Variants in TENM2 observed in about 807,000 individuals in gnomAD.
TENM2 encodes the protein teneurin-2.
Under a neutral mutation model 245.2 loss-of-function variants are expected in TENM2, and 52 were observed. That is an observed-to-expected ratio of 0.21 (90% CI 0.17 to 0.27). The LOEUF (loss-of-function observed/expected upper bound fraction) is 0.27. Ranked by LOEUF, TENM2 falls within the 10% of genes least tolerant of loss-of-function variation. The pLI, the probability that TENM2 is intolerant of heterozygous loss-of-function variation, is 1.00. For synonymous variants in TENM2, 1,363 were observed against 1,438.9 expected (o/e 0.95, Z 1.19); for missense variants, 3,046 against 3,666.8 (o/e 0.83, Z 4.37).
intron 7 of TENM2, among the ~76,000 whole-genome samples, chr5:168,068,914 CAA>C (rs775787317): frequency 5.3e-5 from 8 of 151,796 alleles, no homozygotes; most frequent in Non-Finnish European, 8.8e-5. Flanking sequence ...TTCAGTAAAA[CAA>C]AGAGAGGATA....
chr5:167,763,218 A>C (rs1312217700), intron 2 of TENM2, among the ~76,000 whole-genome samples: 1 of 152,234 alleles, frequency 6.6e-6, no homozygotes, highest in East Asian at 1.9e-4. Flanking sequence ...TCTTTTAAGA[A>C]GTAATATTTG....
At chr5:167,050,634 T>C in the TENM2 span, among the ~76,000 whole-genome samples, 1 of 152,098 alleles carries the variant, frequency 6.6e-6, no homozygotes, top group Non-Finnish European at 1.5e-5. Flanking sequence ...AGACAAATTA[T>C]TGAGGTCATT....
intron 5 of TENM2, among the ~76,000 whole-genome samples, chr5:168,043,150 A>C (rs952089298): frequency 4.6e-5 from 7 of 152,164 alleles, no homozygotes; most frequent in African/African-American, 1.4e-4. Flanking sequence ...ACCCCAGTGC[A>C]TCCAGGATCT....
intron 3 of TENM2, among the ~76,000 whole-genome samples, chr5:167,951,521 G>C (rs1041446512): frequency 2.6e-5 from 4 of 152,136 alleles, no homozygotes; most frequent in Non-Finnish European, 4.4e-5. Context: ...GGAAAACCTT[G>C]TGTGGAGTTG....
intron 2 of TENM2, among the ~76,000 whole-genome samples, chr5:167,411,734 C>A (rs1762923277): frequency 6.6e-6 from 1 of 151,964 alleles, no homozygotes; most frequent in Non-Finnish European, 1.5e-5. Flanking sequence ...ATTAATAACT[C>A]TCTCTGTTGG....
At chr5:167,227,830 T>C in the TENM2 span, among the ~76,000 whole-genome samples, 1 of 152,206 alleles carries the variant, frequency 6.6e-6, no homozygotes, top group Admixed American at 6.5e-5. Context: ...CTTCTACTAT[T>C]TCATTAAATA....
chr5:167,675,963 A>G lies in TENM2; in HGVS notation c.503-200023A>G, dbSNP rs545734273. Among the ~76,000 whole-genome samples the G allele has an allele frequency of 3.3e-5, 5 of 152,138 alleles. No homozygotes were observed. In the East Asian group the frequency reaches 9.7e-4, roughly 29 times the overall value. On this transcript the variant is annotated intron_variant, in intron 2 of 28. Transcript: ENST00000518659. ...TACATGAATGTCAAAGATCAGTCTG[A>G]CTTTCAAAACCTTAGGAAAATTTAC...
At chr5:167,378,270 GA>G in intron 2 of TENM2, among the ~76,000 whole-genome samples, 1 of 151,990 alleles carries the variant, frequency 6.6e-6, no homozygotes, top group Non-Finnish European at 1.5e-5. Flanking sequence ...GTTCTCCCTA[GA>G]TCAATGTTGA....
chr5:167,491,679 TGTC>T (rs1768435750), intron 2 of TENM2, among the ~76,000 whole-genome samples: 1 of 152,156 alleles, frequency 6.6e-6, no homozygotes, highest in Non-Finnish European at 1.5e-5. Flanking sequence ...CCTACACTGT[TGTC>T]AAGGATACCC....
intron 1 of TENM2, among the ~76,000 whole-genome samples, chr5:167,358,365 C>T (rs532339154): frequency 1.3e-5 from 2 of 152,130 alleles, no homozygotes; most frequent in African/African-American, 4.8e-5. Context: ...GCAACATTTG[C>T]AACAGTTAAT....
intron 2 of TENM2, among the ~76,000 whole-genome samples, chr5:167,607,612 A>G (rs988702228): frequency 4.6e-5 from 7 of 152,216 alleles, no homozygotes; most frequent in South Asian, 4.1e-4. Flanking sequence ...CCACAAACAA[A>G]ATACATTGCC....
At chr5:167,012,261 T>C in the TENM2 span, among the ~76,000 whole-genome samples, 2 of 152,186 alleles carry the variant, frequency 1.3e-5, no homozygotes, top group African/African-American at 4.8e-5. Flanking sequence ...TTCTCCACCT[T>C]CCCCTGTCGT....
chr5:168,124,101 G>A (rs1795673590), intron 10 of TENM2, among the ~76,000 whole-genome samples: 1 of 152,194 alleles, frequency 6.6e-6, no homozygotes, highest in African/African-American at 2.4e-5. Context: ...ACAATGACTG[G>A]ACTCTGGCTA....
intron 3 of TENM2, among the ~76,000 whole-genome samples, chr5:167,894,623 C>T (rs1407719163): frequency 6.6e-6 from 1 of 152,152 alleles, no homozygotes; most frequent in Non-Finnish European, 1.5e-5. Flanking sequence ...ACCCCTGCCC[C>T]ATCCAAATTT....
chr5:167,446,260 T>C (rs562184937), intron 2 of TENM2, among the ~76,000 whole-genome samples: 5 of 152,254 alleles, frequency 3.3e-5, no homozygotes, highest in African/African-American at 9.6e-5. Context: ...CTCTCTCATC[T>C]CTCACCTATT....
the TENM2 span, among the ~76,000 whole-genome samples, chr5:167,212,836 T>C: frequency 6.6e-6 from 1 of 152,198 alleles, no homozygotes; most frequent in Non-Finnish European, 1.5e-5. Context: ...TTGTCAAAAA[T>C]GCACCCTACT....
intron 1 of TENM2, among the ~76,000 whole-genome samples, chr5:167,310,644 AC>A (rs1321405757): frequency 6.6e-6 from 1 of 152,198 alleles, no homozygotes; most frequent in African/African-American, 2.4e-5. Flanking sequence ...AACAAAAAAA[AC>A]AACAAATAGA....
intron 2 of TENM2, among the ~76,000 whole-genome samples, chr5:167,687,318 T>C (rs1757139167): frequency 6.6e-6 from 1 of 152,204 alleles, no homozygotes; most frequent in Non-Finnish European, 1.5e-5. Context: ...ATTGTCAATA[T>C]GTATTTTTTA....
At chr5:167,108,547 G>A in the TENM2 span, among the ~76,000 whole-genome samples, 14 of 152,126 alleles carry the variant, frequency 9.2e-5, 1 homozygote, top group South Asian at 8.3e-4. Flanking sequence ...AACATTATAC[G>A]GTAACTATCC....
Sources: gnomAD v4.1 joint callset for allele counts (sites outside exome capture counted in the v4.1 genomes callset) on GRCh38, gnomAD v4.1.1 for gene constraint, MANE v1.5 for transcripts, NCBI Gene and HGNC (gene_info 2026-07-23, HGNC 2026-07-21) for gene names.